The following PPIL2 variants were observed in gnomAD, a reference collection of about 807,000 sequenced individuals.
The protein encoded by PPIL2 is RING-type E3 ubiquitin-protein ligase PPIL2.
Under a neutral mutation model 75.2 loss-of-function variants are expected in PPIL2, and 50 were observed. The observed-to-expected ratio is 0.66, with a 90% CI of 0.53 to 0.84. PPIL2 has a LOEUF of 0.84. PPIL2 is among the 40% of genes least tolerant of loss of function. The pLI, the probability that PPIL2 is intolerant of heterozygous loss-of-function variation, is 0.00. For synonymous variants in PPIL2, 245 were observed against 258.8 expected (o/e 0.95, Z 0.51); for missense variants, 590 against 685.0 (o/e 0.86, Z 1.55).
At chr22:21,684,454 CAAAAAAAAAAAA>C (rs1028354500) in intron 9 of PPIL2, among the ~76,000 whole-genome samples, 4 of 47,542 alleles carry the variant, frequency 8.4e-5, no homozygotes, top group African/African-American at 3.7e-4. Flanking sequence ...TCCATCTCCA[CAAAAAAAAAAAA>C]AAAAAAAAAG....
At chr22:21,670,516 G>A (rs760045236) in intron 2 of PPIL2, 50 bp from the exon 3 acceptor site, 1 of 1,554,612 alleles carries the variant, frequency 6.4e-7, no homozygotes. Context: ...GCACATAGAT[G>A]AAATACTTTA....
Position 21,684,861 on chromosome 22 carries a change from T to C in PPIL2, c.662T>C (p.Leu221Pro), listed in dbSNP as rs1335371870. Residue 221 changes from leucine (L) to proline (P), a missense_variant, in exon 10 of 20, where the codon CTG (leucine) becomes CCG (proline). Physicochemically the swap from Leu to Pro is moderately conservative, Grantham distance 98. Coordinates refer to ENST00000398831, the MANE Select transcript of PPIL2 (RefSeq NM_014337.4). Reference sequence around the variant, plus strand: ...AAGGAGTTCAAAGGGGACGAGATTCTGGCAGCCACCATGAAGGCCCCGGAG... The same window carrying C: ...AAGGAGTTCAAAGGGGACGAGATTCCGGCAGCCACCATGAAGGCCCCGGAG... ...LYKEFKGDEI[L>P]AATMKAPEKK... 7 of 1,614,102 alleles carry C rather than the reference T, an allele frequency of 4.3e-6. No individual in the cohort carries two copies. The highest frequency in any genetic ancestry group is 5.1e-6 in the Non-Finnish European group (6 of 1,179,968).
chr22:21,673,139 C>T (rs2066700843), intron 5 of PPIL2, among the ~76,000 whole-genome samples: 2 of 152,236 alleles, frequency 1.3e-5, no homozygotes, highest in Admixed American at 6.5e-5. Flanking sequence ...TTTTCTCTTT[C>T]AAATGCTTGG....
chr22:21,674,827 G>A (rs1033179832), intron 5 of PPIL2, among the ~76,000 whole-genome samples: 1 of 152,190 alleles, frequency 6.6e-6, no homozygotes, highest in Non-Finnish European at 1.5e-5. Context: ...CCTCCTGCTC[G>A]GGGTCACCCG....
rs530938116 is a variant in PPIL2, at chr22:21,679,482, G to C, written c.296-1817G>C. On this transcript the variant is annotated intron_variant, in intron 6 of 19. Coordinates refer to ENST00000398831, the MANE Select transcript of PPIL2 (RefSeq NM_014337.4). ...GCCAGTGTGGTTGAGCACACCTGTAGTCCCAGCTACTTGGGAGGCTGAGGT... is the reference window on the plus strand; with the variant it reads ...GCCAGTGTGGTTGAGCACACCTGTACTCCCAGCTACTTGGGAGGCTGAGGT... Among the ~76,000 whole-genome samples the C allele has an allele frequency of 4.7e-5, 7 of 148,056 alleles. No homozygotes were observed. In the East Asian group the frequency reaches 1.4e-3, roughly 30 times the overall value.
At position 21,695,735 on chromosome 22, in the gene PPIL2, C is replaced by A. The variant is rs1034905443; in HGVS notation, c.*245C>A. 5 of 1,330,572 alleles carry A rather than the reference C, an allele frequency of 3.8e-6. No individual in the cohort carries two copies. The highest frequency in any genetic ancestry group is 3.2e-5 in the Admixed American group (1 of 31,350). 82.4% of individuals were successfully genotyped at this position (1,330,572 alleles called of 1,614,324 possible). ...AGAGCCCACTGCTGGGACCTTCAAG[C>A]ACAAGGCCTGCCCTACACCCAGGCT... On this transcript the variant is annotated 3_prime_UTR_variant, in exon 20 of 20. Transcript: ENST00000398831.
In PPIL2 at chr22:21,671,002, C is replaced by G. The variant is rs202229100; in HGVS notation, c.134C>G (p.Ser45Cys). The change falls in exon 4 of 20, where the codon TCT becomes TGT. Residue 45 changes from serine (S) to cysteine (C), a missense_variant. Coordinates refer to ENST00000398831, the MANE Select transcript of PPIL2 (RefSeq NM_014337.4). ...GAATGACTGTCCTTTTTCAGTCTCTCTCTGCAGCCCTTTGTCTACCCAGTC... is the reference window on the plus strand; with the variant it reads ...GAATGACTGTCCTTTTTCAGTCTCTGTCTGCAGCCCTTTGTCTACCCAGTC... ...RRLPFDHCSL[S>C]LQPFVYPVCT... 5 of 1,612,474 alleles carry G rather than the reference C, an allele frequency of 3.1e-6. No individual in the cohort carries two copies. In the African/African-American group the frequency reaches 6.7e-5, roughly 21 times the overall value.
At chr22:21,679,884 G>A (rs939616864) in intron 6 of PPIL2, among the ~76,000 whole-genome samples, 17 of 151,010 alleles carry the variant, frequency 1.1e-4, no homozygotes, top group Admixed American at 3.3e-4. Context: ...TCAGGAGATC[G>A]AGACCATCCT....
intron 3 of PPIL2, 55 bp downstream of exon 3, chr22:21,670,666 A>G (rs985209072): frequency 1.3e-6 from 2 of 1,527,568 alleles, no homozygotes; most frequent in African/African-American, 1.4e-5. Flanking sequence ...ATCCTGTCTG[A>G]TAGTGAATCT....
At chr22:21,670,763 C>T (rs1251403203) in intron 3 of PPIL2, 152 bp downstream of exon 3, 5 of 949,524 alleles carry the variant, frequency 5.3e-6, no homozygotes, top group South Asian at 1.4e-5. Flanking sequence ...GCAGAGTCCT[C>T]GTCATGATGT....
rs2067933672 is a variant in PPIL2, at chr22:21,696,414, G to A, written c.*924G>A. The A allele has an allele frequency of 1.7e-6, 2 of 1,174,434 alleles. No individual in the cohort carries two copies. Among genetic ancestry groups the A allele is most frequent in the South Asian group, 1.7e-5 (1 of 57,766 alleles). The allele number at this position is 1,174,434 out of a possible 1,614,324, so 72.8% of individuals were successfully genotyped here. A position where few individuals can be genotyped will look rare whatever the true frequency, so the allele number is the denominator to read the frequency against. ...TGCTGAAGTGGCCTTGCTGCTCTCA[G>A]GCCCGGCCACTGGGCTCCAAGACTC... On this transcript the variant is annotated 3_prime_UTR_variant, in exon 20 of 20. Coordinates refer to ENST00000398831, the MANE Select transcript of PPIL2 (RefSeq NM_014337.4).
At chr22:21,688,920 C>A in intron 15 of PPIL2, 71 bp downstream of exon 15, 3 of 1,403,362 alleles carry the variant, frequency 2.1e-6, no homozygotes, top group Non-Finnish European at 3.0e-6. Context: ...TTCCTCTTGG[C>A]CCTCTCTGAA....
intron 16 of PPIL2, 106 bp downstream of exon 16, chr22:21,693,978 C>A: frequency 1.7e-6 from 2 of 1,206,702 alleles, no homozygotes; most frequent in South Asian, 1.3e-5. Context: ...AGTCATGTGC[C>A]ATGCTGGCCA....
chr22:21,666,190 C>T (rs192248261), intron 1 of PPIL2, 59 bp downstream of exon 1: 871 of 1,543,532 alleles, frequency 5.6e-4, no homozygotes, highest in Non-Finnish European at 7.1e-4. Context: ...CCGCCTGTCC[C>T]GCACTGCGCG....
Position 21,697,110 on chromosome 22 carries a change from C to T in PPIL2, c.*1620C>T. On this transcript the variant is annotated 3_prime_UTR_variant, in exon 20 of 20. Coordinates refer to ENST00000398831, the MANE Select transcript of PPIL2 (RefSeq NM_014337.4). ...CATCCCTCCCGCCAGGCACTGTCCTCCGCAAGGCCTGGTGCAGCCCTGGCA... is the reference window on the plus strand; with the variant it reads ...CATCCCTCCCGCCAGGCACTGTCCTTCGCAAGGCCTGGTGCAGCCCTGGCA... 9.7e-7 allele frequency: 1 copy of T among 1,035,672 alleles called. No homozygotes were observed. The highest frequency in any genetic ancestry group is 1.4e-6 in the Non-Finnish European group (1 of 720,922). 64.2% of individuals were successfully genotyped at this position (1,035,672 alleles called of 1,614,324 possible).
chr22:21,688,155 G>A, intron 14 of PPIL2, 49 bp downstream of exon 14: 1 of 1,609,648 alleles, frequency 6.2e-7, no homozygotes. Context: ...CTGCTCCGTG[G>A]GGCATGAGGG....
At position 21,675,075 on chromosome 22, in the gene PPIL2, G is replaced by A. The variant is rs2066782872; in HGVS notation, c.255G>A (p.Gly85=). The A allele has an allele frequency of 1.2e-6, 2 of 1,612,080 alleles. No individual in the cohort carries two copies. The highest frequency in any genetic ancestry group is 1.1e-5 in the South Asian group (1 of 91,044). ...TGTGCTTCTTCCAGAAGCTGGACGG[G>A]AGGTCCCTGATCAAGCTGAACTTTT... ...TNPSNGEKLD[G]RSLIKLNFSK... The change falls in exon 6 of 20, where the codon GGG becomes GGA. Residue 85 remains glycine (G), a synonymous_variant. Transcript: ENST00000398831.
chr22:21,677,038 C>T (rs1227295189), intron 6 of PPIL2, among the ~76,000 whole-genome samples: 3 of 151,314 alleles, frequency 2.0e-5, no homozygotes, highest in Non-Finnish European at 3.0e-5. Flanking sequence ...GGCTGCCCCC[C>T]ACCTCCCTCC....
intron 4 of PPIL2, 115 bp from the exon 5 acceptor site, chr22:21,672,215 A>G: frequency 1.2e-6 from 1 of 828,736 alleles, no homozygotes; most frequent in Non-Finnish European, 2.0e-6. Flanking sequence ...TCCTAAAGTG[A>G]AGCAAGACCC....
Sources: gnomAD v4.1 joint callset for allele counts (sites outside exome capture counted in the v4.1 genomes callset) on GRCh38, gnomAD v4.1.1 for gene constraint, MANE v1.5 for transcripts, NCBI Gene and HGNC (gene_info 2026-07-23, HGNC 2026-07-21) for gene names.